The following MBD5 variants were observed in gnomAD, a reference collection of about 807,000 sequenced individuals.
MBD5 encodes methyl-CpG-binding domain protein 5.
A neutral mutation model predicts 117.3 loss-of-function variants in MBD5; 13 were observed. That is an observed-to-expected ratio of 0.11 (90% CI 0.07 to 0.18). The LOEUF is 0.18. Ranked by LOEUF, MBD5 falls within the 10% of genes least tolerant of loss-of-function variation. The pLI is 1.00. For missense variants in MBD5, 1,879 were observed against 2,093.8 expected, an observed-to-expected ratio of 0.90 and a Z score of 2.00; for synonymous variants, 727 against 766.4, an observed-to-expected ratio of 0.95 and a Z score of 0.85.
chr2:148,088,799 G>A (rs560288954), intron 1 of MBD5, among the ~76,000 whole-genome samples: 1 of 151,960 alleles, frequency 6.6e-6, no homozygotes, highest in East Asian at 1.9e-4. Context: ...ATACCACAAT[G>A]AAAAAAATCT....
chr2:148,477,765 T>C (rs1681017806), intron 8 of MBD5, among the ~76,000 whole-genome samples: 2 of 152,186 alleles, frequency 1.3e-5, no homozygotes, highest in South Asian at 4.1e-4. Flanking sequence ...GCAATGCAAG[T>C]ACACTTACCA....
At chr2:148,502,802 C>T (rs1405391933) in intron 12 of MBD5, among the ~76,000 whole-genome samples, 2 of 152,146 alleles carry the variant, frequency 1.3e-5, no homozygotes, top group African/African-American at 2.4e-5. Context: ...AATTAATATT[C>T]TCAACATATA....
intron 8 of MBD5, among the ~76,000 whole-genome samples, chr2:148,477,758 A>G (rs1270945691): frequency 2.0e-5 from 3 of 152,152 alleles, no homozygotes; most frequent in South Asian, 4.1e-4. Flanking sequence ...CCTGTTTGCA[A>G]TGCAAGTACA....
chr2:148,402,687 G>A lies in MBD5; in HGVS notation c.-556-55516G>A, dbSNP rs1478696422. On this transcript the variant is annotated intron_variant, in intron 4 of 13. Coordinates refer to ENST00000642680, the MANE Select transcript of MBD5 (RefSeq NM_001378120.1). ...AATTATTTTGAGATTTATTCTTGCC[G>A]TTACATAAATAAATAGTTCTTTTTT... Among the ~76,000 whole-genome samples, 8 of 152,038 alleles carry A rather than the reference G, an allele frequency of 5.3e-5. No homozygotes were observed. The East Asian group carries it at 9.6e-4, about 18-fold the overall frequency.
intron 4 of MBD5, among the ~76,000 whole-genome samples, chr2:148,380,752 G>A (rs1222171244): frequency 6.6e-6 from 1 of 152,066 alleles, no homozygotes; most frequent in Non-Finnish European, 1.5e-5. Flanking sequence ...CACACAGCCG[G>A]GTACTCCTCT....
At chr2:148,066,629 C>A (rs1203245721) in intron 1 of MBD5, among the ~76,000 whole-genome samples, 1 of 151,946 alleles carries the variant, frequency 6.6e-6, no homozygotes, top group East Asian at 1.9e-4. Context: ...AGGTGCACGC[C>A]ACCATGCCCG....
At chr2:148,223,981 A>G (rs139039595) in intron 2 of MBD5, among the ~76,000 whole-genome samples, 120 of 152,278 alleles carry the variant, frequency 7.9e-4, no homozygotes, top group Non-Finnish European at 1.5e-3. Flanking sequence ...TCATTGACCC[A>G]CTGGTCATTC....
At position 148,370,595 on chromosome 2, in the gene MBD5, C is replaced by T. The variant is rs142233552; in HGVS notation, c.-557+28259C>T. 3.7e-3 allele frequency among the ~76,000 whole-genome samples: 561 copies of T among 152,160 alleles called. 4 individuals are homozygous for T. The highest frequency in any genetic ancestry group is 0.013 in the African/African-American group (523 of 41,504). On this transcript the variant is annotated intron_variant, in intron 4 of 13. Coordinates refer to ENST00000642680, the MANE Select transcript of MBD5 (RefSeq NM_001378120.1). ...CCTCTGCCCACTGGGCTCAAGTGAT[C>T]CTGCTGCCTCAGCCTCCCAAGTAGC... is the stretch of plus-strand genomic sequence containing the variant.
intron 1 of MBD5, among the ~76,000 whole-genome samples, chr2:148,171,309 G>T (rs1366447121): frequency 6.6e-6 from 1 of 152,096 alleles, no homozygotes; most frequent in Non-Finnish European, 1.5e-5. Flanking sequence ...TTTATCCCTG[G>T]GATGCAAGGA....
intron 3 of MBD5, among the ~76,000 whole-genome samples, chr2:148,314,879 G>A (rs1378263538): frequency 7.9e-5 from 12 of 152,044 alleles, no homozygotes; most frequent in Non-Finnish European, 1.3e-4. Flanking sequence ...TTTTAGGGAT[G>A]GTTATTACTG....
rs1160611775 is a variant in MBD5, at chr2:148,483,562, G to A, written c.2971G>A (p.Ala991Thr). 1 of 1,571,656 alleles carries A rather than the reference G, an allele frequency of 6.4e-7. No individual in the cohort carries two copies. Among genetic ancestry groups the A allele is most frequent in the South Asian group, 1.2e-5 (1 of 86,932 alleles). Residue 991 changes from alanine (A) to threonine (T), a missense_variant, in exon 9 of 14, where the codon GCC becomes ACC. Coordinates refer to ENST00000642680, the MANE Select transcript of MBD5 (RefSeq NM_001378120.1). ...LQPVHFQLLA[A>T]LLQNQAQAAA... ...GCCTGTTCACTTTCAGCTCTTAGCA[G>A]CCTTGCTTCAGAACCAAGCCCAAGC...
intron 1 of MBD5, among the ~76,000 whole-genome samples, chr2:148,177,913 T>A (rs1202505967): frequency 2.0e-5 from 3 of 152,234 alleles, no homozygotes; most frequent in Admixed American, 6.5e-5. Context: ...ACCACTTACT[T>A]GGGAGGATGA....
intron 1 of MBD5, among the ~76,000 whole-genome samples, chr2:148,151,285 A>T (rs1485531156): frequency 1.3e-5 from 2 of 151,964 alleles, no homozygotes; most frequent in African/African-American, 2.4e-5. Flanking sequence ...CATCCCAGGG[A>T]TGAAGCCCAC....
At chr2:148,078,097 G>C (rs1695548677) in intron 1 of MBD5, among the ~76,000 whole-genome samples, 1 of 152,126 alleles carries the variant, frequency 6.6e-6, no homozygotes, top group Non-Finnish European at 1.5e-5. Flanking sequence ...ATAGGAACTA[G>C]ATTTTTATAT....
chr2:148,383,192 A>G lies in MBD5; in HGVS notation c.-557+40856A>G, dbSNP rs537095681. 3.3e-5 allele frequency among the ~76,000 whole-genome samples: 5 copies of G among 152,280 alleles called. No homozygotes were observed. In the East Asian group the frequency reaches 9.6e-4, roughly 29 times the overall value. On this transcript the variant is annotated intron_variant, in intron 4 of 13. Transcript: ENST00000642680. ...GCTGTTTTTTTGAAAAGATCACCAAAATTGATAGACCGCTAGCAAGACTAA... is the reference window on the plus strand; with the variant it reads ...GCTGTTTTTTTGAAAAGATCACCAAGATTGATAGACCGCTAGCAAGACTAA...
intron 1 of MBD5, among the ~76,000 whole-genome samples, chr2:148,133,755 G>A (rs986554634): frequency 1.5e-4 from 23 of 152,176 alleles, no homozygotes; most frequent in African/African-American, 4.3e-4. Flanking sequence ...CCCGGGAGGT[G>A]GAGGTTGCAG....
intron 1 of MBD5, among the ~76,000 whole-genome samples, chr2:148,162,500 T>A (rs575889659): frequency 1.2e-4 from 19 of 152,378 alleles, no homozygotes; most frequent in African/African-American, 4.1e-4. Flanking sequence ...TCTAAATTGC[T>A]GTAAGGGTGA....
chr2:148,293,023 A>C (rs940468594), intron 3 of MBD5, among the ~76,000 whole-genome samples: 3 of 152,072 alleles, frequency 2.0e-5, no homozygotes, highest in Non-Finnish European at 4.4e-5. Context: ...ATTAAACAAA[A>C]CAATTGGCCA....
intron 4 of MBD5, among the ~76,000 whole-genome samples, chr2:148,412,448 T>C (rs1272694289): frequency 6.6e-6 from 1 of 152,126 alleles, no homozygotes; most frequent in Non-Finnish European, 1.5e-5. Context: ...TGGGTGCTTC[T>C]TTGGTTTCAC....
Sources: allele counts gnomAD v4.1 joint callset (sites outside exome capture counted in the v4.1 genomes callset), GRCh38; gene constraint gnomAD v4.1.1; transcripts MANE v1.5; gene names NCBI Gene and HGNC (gene_info 2026-07-23, HGNC 2026-07-21).